Variants in DPP10 observed in about 807,000 individuals in gnomAD.
DPP10 encodes the protein inactive dipeptidyl peptidase 10.
DPP10 carries 33 observed loss-of-function variants against 120.9 expected under a neutral mutation model. That is an observed-to-expected ratio of 0.27 (90% CI 0.21 to 0.37). DPP10 has a LOEUF of 0.37. Ranked by LOEUF, DPP10 falls within the 10% of genes least tolerant of loss-of-function variation. DPP10 has a pLI of 1.00. For missense variants in DPP10, 816 were observed against 942.8 expected, an observed-to-expected ratio of 0.87 and a Z score of 1.76; for synonymous variants, 337 against 326.1, an observed-to-expected ratio of 1.03 and a Z score of -0.36.
chr2:115,787,130 A>AT (rs1426108393), intron 17 of DPP10, among the ~76,000 whole-genome samples: 1 of 152,238 alleles, frequency 6.6e-6, no homozygotes, highest in Non-Finnish European at 1.5e-5. Context: ...TGCCTGCAAC[A>AT]TATGCCAGAA....
chr2:115,344,065 G>T (rs1477912599), intron 3 of DPP10, among the ~76,000 whole-genome samples, 153 bp downstream of exon 3: 1 of 150,686 alleles, frequency 6.6e-6, no homozygotes, highest in Non-Finnish European at 1.5e-5. Flanking sequence ...GAACCTGGGA[G>T]GCGGACGTCG....
At chr2:115,401,074 T>C (rs17453235) in intron 3 of DPP10, among the ~76,000 whole-genome samples, 13,474 of 152,142 alleles carry the variant, frequency 0.089, 821 homozygotes, top group Non-Finnish European at 0.12. Context: ...GAGCGAGCCA[T>C]AGAAGGTCTG....
chr2:115,317,669 A>G lies in DPP10; in HGVS notation c.175+8316A>G, dbSNP rs186985534. On this transcript the variant is annotated intron_variant, in intron 2 of 25. Coordinates refer to ENST00000410059, the MANE Select transcript of DPP10 (RefSeq NM_020868.6). ...TTTCAATTATGGGCATTCAAGAGATATGAAGTAGTATCTCATTTGGTTTTA... is the reference window on the plus strand; with the variant it reads ...TTTCAATTATGGGCATTCAAGAGATGTGAAGTAGTATCTCATTTGGTTTTA... Among the ~76,000 whole-genome samples the G allele has an allele frequency of 3.1e-4, 46 of 150,406 alleles. No homozygotes were observed. In the East Asian group the frequency reaches 8.8e-3, roughly 29 times the overall value.
intron 5 of DPP10, among the ~76,000 whole-genome samples, chr2:115,611,894 T>A (rs2084128840): frequency 6.6e-6 from 1 of 152,226 alleles, no homozygotes; most frequent in East Asian, 1.9e-4. Flanking sequence ...TAACCTCCAG[T>A]GTTACTCAAG....
At chr2:115,277,305 G>A (rs1035365597) in intron 1 of DPP10, among the ~76,000 whole-genome samples, 2 of 152,072 alleles carry the variant, frequency 1.3e-5, no homozygotes, top group African/African-American at 4.8e-5. Flanking sequence ...GCAGTCAAGT[G>A]CAATGGCAAT....
intron 13 of DPP10, 34 bp downstream of exon 13, chr2:115,768,438 A>C: frequency 6.3e-7 from 1 of 1,584,702 alleles, no homozygotes; most frequent in Non-Finnish European, 8.7e-7. Flanking sequence ...TTTTGATTTC[A>C]TTGTCCTCAT....
chr2:114,954,406 T>G (rs1698053143), intron 1 of DPP10, among the ~76,000 whole-genome samples: 1 of 151,960 alleles, frequency 6.6e-6, no homozygotes. Flanking sequence ...TTTAAATAAC[T>G]TAAGACAAAT....
At chr2:114,995,850 G>A (rs1701046135) in intron 1 of DPP10, among the ~76,000 whole-genome samples, 2 of 152,114 alleles carry the variant, frequency 1.3e-5, no homozygotes, top group Admixed American at 6.5e-5. Context: ...ACTTGATAAA[G>A]TACTATTTCT....
At chr2:115,686,321 T>A (rs1235812525) in intron 5 of DPP10, among the ~76,000 whole-genome samples, 1 of 152,012 alleles carries the variant, frequency 6.6e-6, no homozygotes, top group Non-Finnish European at 1.5e-5. Flanking sequence ...AAGCGTGAGT[T>A]ATAGTGTTGT....
intron 1 of DPP10, among the ~76,000 whole-genome samples, chr2:114,946,049 G>A (rs188422520): frequency 1.1e-3 from 172 of 152,242 alleles, no homozygotes; most frequent in Admixed American, 1.1e-3. Flanking sequence ...AAAACAAGGC[G>A]TCTGAAAAAC....
intron 1 of DPP10, among the ~76,000 whole-genome samples, chr2:114,722,923 G>C (rs1701798404): frequency 6.6e-6 from 1 of 151,888 alleles, no homozygotes; most frequent in Admixed American, 6.6e-5. Flanking sequence ...TGAAAACTGG[G>C]TAAGAAAAAA....
chr2:115,384,947 G>A (rs2066806573), intron 3 of DPP10, among the ~76,000 whole-genome samples: 1 of 152,138 alleles, frequency 6.6e-6, no homozygotes, highest in African/African-American at 2.4e-5. Context: ...TATTCTTGTG[G>A]TAGTGAATAA....
intron 1 of DPP10, among the ~76,000 whole-genome samples, chr2:114,592,516 C>T (rs1284366731): frequency 3.3e-5 from 5 of 151,972 alleles, no homozygotes; most frequent in Non-Finnish European, 5.9e-5. Flanking sequence ...AGCTATGTTT[C>T]CCAGTTTTGG....
chr2:115,170,308 A>G (rs182805814), intron 1 of DPP10, among the ~76,000 whole-genome samples: 6 of 152,210 alleles, frequency 3.9e-5, no homozygotes, highest in Admixed American at 1.3e-4. Flanking sequence ...TCATAAAGCA[A>G]TCCTTTAAAT....
chr2:114,653,336 G>T (rs1400278217), intron 1 of DPP10, among the ~76,000 whole-genome samples: 2 of 152,116 alleles, frequency 1.3e-5, no homozygotes, highest in African/African-American at 4.8e-5. Flanking sequence ...CCTGGAAGAG[G>T]CAAGGGACGG....
intron 5 of DPP10, among the ~76,000 whole-genome samples, chr2:115,667,161 GTGTT>G (rs750829445): frequency 1.5e-4 from 23 of 152,222 alleles, no homozygotes; most frequent in East Asian, 5.8e-4. Context: ...CTTTCAAAAA[GTGTT>G]TGTTCATGTC....
chr2:114,961,382 TA>T (rs1351764935), intron 1 of DPP10, among the ~76,000 whole-genome samples: 8 of 152,104 alleles, frequency 5.3e-5, no homozygotes, highest in Admixed American at 2.0e-4. Context: ...AACATTATCT[TA>T]TGAAATGTAA....
intron 11 of DPP10, among the ~76,000 whole-genome samples, chr2:115,758,720 T>A (rs191460380): frequency 4.6e-5 from 7 of 152,168 alleles, no homozygotes; most frequent in African/African-American, 1.7e-4. Flanking sequence ...TACAAAAACC[T>A]GGAGATGCTA....
intron 4 of DPP10, 91 bp downstream of exon 4, chr2:115,499,695 C>A (rs772718178): frequency 1.2e-6 from 1 of 851,306 alleles, no homozygotes; most frequent in Admixed American, 3.1e-5. Flanking sequence ...TCAGCTCCAG[C>A]ATTTGTAAAG....
Sources: allele counts gnomAD v4.1 joint callset (sites outside exome capture counted in the v4.1 genomes callset), GRCh38; gene constraint gnomAD v4.1.1; transcripts MANE v1.5; gene names NCBI Gene and HGNC (gene_info 2026-07-23, HGNC 2026-07-21).